The following GRK7 variants were observed in gnomAD, a reference collection of about 807,000 sequenced individuals.
GRK7 encodes the protein rhodopsin kinase GRK7.
In GRK7, 24 loss-of-function variants were observed where a neutral mutation model predicts 34.1. That is an observed-to-expected ratio of 0.70 (90% confidence interval 0.51 to 0.99). GRK7 has a LOEUF of 0.99. GRK7 is among the 50% of genes least tolerant of loss of function. The probability of loss-of-function intolerance (pLI) is 0.00; values close to 1 mark genes in which losing one functional copy is unlikely to be tolerated. For missense variants in GRK7, 644 were observed against 707.3 expected, an observed-to-expected ratio of 0.91 and a Z score of 1.02; for synonymous variants, 256 against 279.4, an observed-to-expected ratio of 0.92 and a Z score of 0.84.
At chr3:141,759,804 T>C (rs1263977077), upstream of GRK7, among the ~76,000 whole-genome samples, 23 of 72,458 alleles carry the variant, frequency 3.2e-4, no homozygotes, top group African/African-American at 1.2e-3. Context: ...TTTTGGTTGG[T>C]AAACTATTGA....
intron 4 of GRK7, among the ~76,000 whole-genome samples, chr3:141,806,678 T>C (rs1711039760): frequency 6.6e-6 from 1 of 151,926 alleles, no homozygotes. Flanking sequence ...ATGAGGTACC[T>C]AGAGCAGTCA....
intron 4 of GRK7, among the ~76,000 whole-genome samples, chr3:141,797,702 C>G (rs1404151698): frequency 6.6e-6 from 1 of 152,062 alleles, no homozygotes; most frequent in Admixed American, 6.6e-5. Flanking sequence ...TTTGCTGGGC[C>G]GCGCCGGGAT....
chr3:141,788,834 A>G (rs936277551), intron 4 of GRK7, among the ~76,000 whole-genome samples: 1 of 152,138 alleles, frequency 6.6e-6, no homozygotes, highest in Non-Finnish European at 1.5e-5. Flanking sequence ...TATCTGGAGG[A>G]AAGAAGTTTG....
Position 141,793,964 on chromosome 3 carries a change from C to T in GRK7, c.1050+13153C>T, listed in dbSNP as rs377653104. Among the ~76,000 whole-genome samples, 12 of 152,310 alleles carry T rather than the reference C, an allele frequency of 7.9e-5. No individual in the cohort carries two copies. The East Asian group carries it at 1.2e-3, about 15-fold the overall frequency. ...TAGAGACCCTCACAGACACCCAGGGCTCCAACCCACGACTGGACCTGAGGA... is the reference window on the plus strand; with the variant it reads ...TAGAGACCCTCACAGACACCCAGGGTTCCAACCCACGACTGGACCTGAGGA... On this transcript the variant is annotated intron_variant, in intron 4 of 5. Transcript: ENST00000682958.
rs1317777803 is a variant in GRK7 at position 141,763,871 on chromosome 3, C to G, written c.-2082C>G. On this transcript the variant is annotated 5_prime_UTR_variant, in exon 1 of 6. Coordinates refer to ENST00000682958, the MANE Select transcript of GRK7 (RefSeq NM_139209.3). ...AAAATTTCCTCCGTCCTCTTCCCTT[C>G]CCTACAAATTCCCTCCATTTTGTTT... is the stretch of plus-strand genomic sequence containing the variant. Among the ~76,000 whole-genome samples the G allele has an allele frequency of 6.6e-6, 1 of 152,178 alleles. No individual in the cohort carries two copies. The highest frequency in any genetic ancestry group is 1.5e-5 in the Non-Finnish European group (1 of 68,032).
In GRK7 at chr3:141,778,533, G is replaced by C. The variant is rs765257624; in HGVS notation, c.249G>C (p.Ala83=). 8.1e-6 allele frequency: 13 copies of C among 1,613,368 alleles called. No individual in the cohort carries two copies. In the African/African-American group the frequency reaches 1.7e-4, roughly 21 times the overall value. The change falls in exon 3 of 6, where the codon GCG becomes GCC. Residue 83 remains alanine (A), a synonymous_variant. Coordinates refer to ENST00000682958, the MANE Select transcript of GRK7 (RefSeq NM_139209.3). This position sits in a 1 kb window ranked among gnomAD's most constrained non-coding sequence, Gnocchi z 4.1. The stretch of plus-strand genomic sequence containing the variant: ...CCACAGTGCCCACGTTCCGCAAGGC[G>C]GCAACCTTCCTAGAGGACGTGCAGA... ...FLATVPTFRK[A]ATFLEDVQNW...
chr3:141,766,742 TTTTG>T (rs2084583405), intron 1 of GRK7, among the ~76,000 whole-genome samples: 1 of 152,270 alleles, frequency 6.6e-6, no homozygotes, highest in African/African-American at 2.4e-5. Context: ...TTCTTTTGCT[TTTTG>T]TTTGCTAACA....
At chr3:141,787,449 C>T (rs1429487468) in intron 4 of GRK7, among the ~76,000 whole-genome samples, 1 of 151,900 alleles carries the variant, frequency 6.6e-6, no homozygotes, top group East Asian at 1.9e-4. Flanking sequence ...CATGGTGAAA[C>T]CTCATCTCTA....
intron 2 of GRK7, among the ~76,000 whole-genome samples, chr3:141,776,142 C>G (rs942910183): frequency 6.6e-6 from 1 of 151,970 alleles, no homozygotes; most frequent in Non-Finnish European, 1.5e-5. Flanking sequence ...AAAAAATTAG[C>G]CGGGCGCGGT....
intron 5 of GRK7, among the ~76,000 whole-genome samples, chr3:141,808,407 C>A (rs1403811139): frequency 6.6e-6 from 1 of 152,048 alleles, no homozygotes; most frequent in Admixed American, 6.6e-5. Flanking sequence ...CTAGAGTAGT[C>A]GAATTCATAG....
rs1298428139 is a variant in GRK7 at position 141,764,567 on chromosome 3, T to C, written c.-1386T>C. The stretch of plus-strand genomic sequence containing the variant: ...CTCCTAATACCCCACTGCCCTCACC[T>C]CCTCAAACTCTAGGGCTCAGTCCTT... On this transcript the variant is annotated 5_prime_UTR_variant, in exon 1 of 6. Transcript: ENST00000682958. Among the ~76,000 whole-genome samples, 1 of 152,054 alleles carries C rather than the reference T, an allele frequency of 6.6e-6. No homozygotes were observed. The highest frequency in any genetic ancestry group is 1.5e-5 in the Non-Finnish European group (1 of 68,010).
chr3:141,762,706 C>T (rs1488875359), upstream of GRK7, among the ~76,000 whole-genome samples: 1 of 152,016 alleles, frequency 6.6e-6, no homozygotes, highest in Non-Finnish European at 1.5e-5. Context: ...GGGCGCCCCT[C>T]CCCCAGCCTC....
chr3:141,754,764 A>T, the GRK7 span, among the ~76,000 whole-genome samples: 1 of 152,212 alleles, frequency 6.6e-6, no homozygotes, highest in African/African-American at 2.4e-5. Flanking sequence ...ATTGATATTA[A>T]CAATTAACAA....
At chr3:141,798,556 G>A (rs1330941057) in intron 4 of GRK7, among the ~76,000 whole-genome samples, 1 of 152,184 alleles carries the variant, frequency 6.6e-6, no homozygotes, top group Non-Finnish European at 1.5e-5. Context: ...CACTGAAGGA[G>A]ACGGTTCTGA....
intron 4 of GRK7, among the ~76,000 whole-genome samples, chr3:141,804,606 C>T (rs1199028256): frequency 6.6e-6 from 1 of 151,326 alleles, no homozygotes; most frequent in Non-Finnish European, 1.5e-5. Flanking sequence ...CACTCACACA[C>T]GCATACACAC....
intron 1 of GRK7, among the ~76,000 whole-genome samples, chr3:141,772,789 A>G (rs762424845): frequency 1.1e-4 from 17 of 152,202 alleles, no homozygotes; most frequent in Non-Finnish European, 2.2e-4. Flanking sequence ...GCTTTCTACT[A>G]TCATAAAAGT....
At chr3:141,797,332 G>A (rs563099055) in intron 4 of GRK7, among the ~76,000 whole-genome samples, 47 of 152,316 alleles carry the variant, frequency 3.1e-4, no homozygotes, top group Non-Finnish European at 5.6e-4. Flanking sequence ...TCTGCGGCCT[G>A]GGGCCGAGCA....
chr3:141,776,388 T>C (rs2084639393), intron 2 of GRK7, among the ~76,000 whole-genome samples: 4 of 152,230 alleles, frequency 2.6e-5, no homozygotes, highest in African/African-American at 9.7e-5. Flanking sequence ...AGGCTGCCAC[T>C]ACATTCCTAA....
At chr3:141,812,154 A>G (rs1022258516) in intron 5 of GRK7, among the ~76,000 whole-genome samples, 1 of 152,138 alleles carries the variant, frequency 6.6e-6, no homozygotes, top group Non-Finnish European at 1.5e-5. Context: ...TTCATTGACT[A>G]TTATAAGAAA....
Sources: allele counts gnomAD v4.1 joint callset (sites outside exome capture counted in the v4.1 genomes callset), GRCh38; gene constraint gnomAD v4.1.1; non-coding constraint Gnocchi (gnomAD v3.1); transcripts MANE v1.5; gene names NCBI Gene and HGNC (gene_info 2026-07-23, HGNC 2026-07-21).